The following TMTC2 variants were observed in gnomAD, a reference collection of about 807,000 sequenced individuals.
TMTC2 encodes the protein protein O-mannosyl-transferase TMTC2.
Under a neutral mutation model 82.4 loss-of-function variants are expected in TMTC2, and 43 were observed. The ratio of observed to expected loss-of-function variants is 0.52; its 90% confidence interval spans 0.41 to 0.67. The LOEUF (loss-of-function observed/expected upper bound fraction) is 0.67, where lower values mean the gene tolerates loss of function less well. TMTC2 is among the 30% of genes least tolerant of loss of function. TMTC2 has a pLI of 0.00. For missense variants in TMTC2, 919 were observed against 1,012.4 expected (o/e 0.91, Z 1.25); for synonymous variants, 408 against 381.9 (o/e 1.07, Z -0.80).
chr12:82,760,916 TC>T, intron 1 of TMTC2: 1 of 370,800 alleles, frequency 2.7e-6, no homozygotes, highest in Non-Finnish European at 5.5e-6. Context: ...GACTCAGGAC[TC>T]CCACTGATTA....
intron 1 of TMTC2, among the ~76,000 whole-genome samples, chr12:82,834,706 C>A (rs1314739771): frequency 6.6e-6 from 1 of 152,112 alleles, no homozygotes; most frequent in Non-Finnish European, 1.5e-5. Flanking sequence ...TTGAATGCCT[C>A]CTTATTTTAA....
intron 11 of TMTC2, among the ~76,000 whole-genome samples, chr12:83,070,873 C>T (rs1265973176): frequency 3.3e-5 from 5 of 152,106 alleles, no homozygotes; most frequent in Non-Finnish European, 7.4e-5. Context: ...CCTTGTATGC[C>T]GATTTGCTGA....
intron 2 of TMTC2, among the ~76,000 whole-genome samples, chr12:82,876,284 T>C (rs944668686): frequency 4.6e-5 from 7 of 151,252 alleles, no homozygotes; most frequent in Non-Finnish European, 8.8e-5. Context: ...TTTCTCACAG[T>C]GTTTACCTTC....
At chr12:83,001,808 A>G (rs1237937104) in intron 8 of TMTC2, among the ~76,000 whole-genome samples, 2 of 152,096 alleles carry the variant, frequency 1.3e-5, no homozygotes, top group African/African-American at 2.4e-5. Flanking sequence ...CAAGTTCCTC[A>G]TCTCCATCTG....
At chr12:83,020,402 A>G (rs1251288612) in intron 8 of TMTC2, among the ~76,000 whole-genome samples, 1 of 152,242 alleles carries the variant, frequency 6.6e-6, no homozygotes, top group African/African-American at 2.4e-5. Context: ...AATTCTATGC[A>G]TAATTCTAAA....
intron 8 of TMTC2, among the ~76,000 whole-genome samples, chr12:82,994,732 A>G (rs937015867): frequency 1.3e-5 from 2 of 151,916 alleles, no homozygotes; most frequent in Non-Finnish European, 2.9e-5. Context: ...CAGTGGTGGT[A>G]CAAAGACTAA....
At chr12:82,931,664 A>G (rs143949211) in intron 4 of TMTC2, among the ~76,000 whole-genome samples, 15 of 152,240 alleles carry the variant, frequency 9.9e-5, no homozygotes, top group East Asian at 7.7e-4. Context: ...TGTTTCAGGA[A>G]TGTTTCTCCA....
chr12:83,066,166 G>T (rs1269720699), intron 11 of TMTC2, among the ~76,000 whole-genome samples: 2 of 151,868 alleles, frequency 1.3e-5, no homozygotes, highest in African/African-American at 4.8e-5. Context: ...GTAAATAATG[G>T]CATCTAATAA....
chr12:82,795,417 A>G (rs1386547286), intron 1 of TMTC2, among the ~76,000 whole-genome samples: 1 of 151,968 alleles, frequency 6.6e-6, no homozygotes, highest in Non-Finnish European at 1.5e-5. Flanking sequence ...TGTTGATATC[A>G]TGGTCCTGTA....
At chr12:82,743,961 A>G (rs943787990) in intron 1 of TMTC2, among the ~76,000 whole-genome samples, 1 of 152,052 alleles carries the variant, frequency 6.6e-6, no homozygotes, top group African/African-American at 2.4e-5. Flanking sequence ...TCTAAATGTC[A>G]GGTACAGGTT....
chr12:82,927,748 G>A (rs184112187), intron 3 of TMTC2, among the ~76,000 whole-genome samples: 59 of 152,290 alleles, frequency 3.9e-4, no homozygotes, highest in African/African-American at 1.1e-3. Flanking sequence ...AGCCATCAGC[G>A]TTGAGGCAAG....
chr12:82,716,542 T>G (rs1373725119), intron 1 of TMTC2, among the ~76,000 whole-genome samples: 1 of 152,044 alleles, frequency 6.6e-6, no homozygotes, highest in Non-Finnish European at 1.5e-5. Context: ...TTTTGTATTT[T>G]TAGTAGAGAC....
At chr12:82,997,731 A>C (rs1339916563) in intron 8 of TMTC2, among the ~76,000 whole-genome samples, 1 of 151,846 alleles carries the variant, frequency 6.6e-6, no homozygotes, top group African/African-American at 2.4e-5. Context: ...TACAAAATCC[A>C]TTTCCAAAAT....
intron 1 of TMTC2, among the ~76,000 whole-genome samples, chr12:82,852,485 T>C (rs1158956528): frequency 1.3e-5 from 2 of 152,172 alleles, no homozygotes; most frequent in African/African-American, 2.4e-5. Context: ...ATTGTTTTTT[T>C]CCCATATCTG....
intron 1 of TMTC2, among the ~76,000 whole-genome samples, chr12:82,726,906 GT>G (rs1267227909): frequency 7.0e-6 from 1 of 142,376 alleles, no homozygotes; most frequent in African/African-American, 2.6e-5. Flanking sequence ...AAAAAGGAAA[GT>G]AGCAAAGCCA....
intron 8 of TMTC2, among the ~76,000 whole-genome samples, chr12:82,997,815 G>T (rs1438168428): frequency 6.6e-6 from 1 of 151,808 alleles, no homozygotes; most frequent in Non-Finnish European, 1.5e-5. Context: ...TGTGAGGAAA[G>T]ATACATACTA....
At chr12:82,863,939 G>T (rs1481362639) in intron 2 of TMTC2, among the ~76,000 whole-genome samples, 1 of 152,142 alleles carries the variant, frequency 6.6e-6, no homozygotes, top group African/African-American at 2.4e-5. Flanking sequence ...TGGTGGGGGA[G>T]TTGAGAGGAA....
chr12:83,009,928 G>A (rs1880378402), intron 8 of TMTC2, among the ~76,000 whole-genome samples: 1 of 152,158 alleles, frequency 6.6e-6, no homozygotes, highest in South Asian at 2.1e-4. Flanking sequence ...TTCACAACAG[G>A]GTTTTGTGTT....
intron 2 of TMTC2, among the ~76,000 whole-genome samples, chr12:82,888,581 T>C (rs1796201): frequency 0.17 from 26,434 of 152,228 alleles, 5,257 homozygotes; most frequent in African/African-American, 0.49. Flanking sequence ...TGTGCACAGC[T>C]AATTCTGTTG....
Sources: allele counts gnomAD v4.1 joint callset (sites outside exome capture counted in the v4.1 genomes callset), GRCh38; gene constraint gnomAD v4.1.1; transcripts MANE v1.5; gene names NCBI Gene and HGNC (gene_info 2026-07-23, HGNC 2026-07-21).